Variants in G3BP1 observed in about 807,000 individuals in gnomAD.
G3BP1 encodes G3BP stress granule assembly factor 1.
A neutral mutation model predicts 58.6 loss-of-function variants in G3BP1; 35 were observed. The observed-to-expected ratio is 0.60, with a 90% CI of 0.46 to 0.79. The LOEUF (loss-of-function observed/expected upper bound fraction) is 0.79, where lower values mean the gene tolerates loss of function less well. Among genes scored for constraint, G3BP1 ranks in the 30% least tolerant of loss-of-function variants. G3BP1 has a pLI of 0.00. For synonymous variants in G3BP1, 191 were observed against 195.4 expected, an observed-to-expected ratio of 0.98 and a Z score of 0.19; for missense variants, 523 against 580.8, an observed-to-expected ratio of 0.90 and a Z score of 1.02.
At chr5:151,790,245 A>AG in intron 2 of G3BP1, 78 bp from the exon 3 acceptor site, 1 of 724,464 alleles carries the variant, frequency 1.4e-6, no homozygotes, top group South Asian at 1.8e-5. Context: ...AAAAAAAAAA[A>AG]AGTTTGCCAG....
At position 151,790,984 on chromosome 5, in the gene G3BP1, A is replaced by G. The variant is rs1182663404; in HGVS notation, c.273A>G (p.Val91=). 1.2e-6 allele frequency: 2 copies of G among 1,613,240 alleles called. No homozygotes were observed. The highest frequency in any genetic ancestry group is 1.1e-5 in the South Asian group (1 of 91,058). ...DAHATLNDGV[V]VQVMGLLSNN... ...ATGCCACGCTAAATGATGGTGTGGT[A>G]GTCCAGGTGATGGGGCTTCTCTCTA... Residue 91 remains valine, a synonymous_variant, in exon 4 of 12, where the codon GTA becomes GTG. Coordinates refer to ENST00000356245, the MANE Select transcript of G3BP1 (RefSeq NM_005754.3).
chr5:151,784,299 G>T (rs1462001327), intron 1 of G3BP1, among the ~76,000 whole-genome samples: 1 of 151,998 alleles, frequency 6.6e-6, no homozygotes, highest in Non-Finnish European at 1.5e-5. Flanking sequence ...ATAGGGTCTT[G>T]CTTTGTTGTT....
At chr5:151,782,789 A>G (rs1762489817) in intron 1 of G3BP1, among the ~76,000 whole-genome samples, 1 of 151,474 alleles carries the variant, frequency 6.6e-6, no homozygotes, top group Non-Finnish European at 1.5e-5. Context: ...CATAGATTTC[A>G]TAAAATATCT....
intron 1 of G3BP1, among the ~76,000 whole-genome samples, chr5:151,777,071 G>C (rs1471272117): frequency 3.3e-5 from 5 of 152,194 alleles, no homozygotes; most frequent in African/African-American, 1.2e-4. Flanking sequence ...GAAGAATTGT[G>C]AAGGGAGGTG....
At position 151,788,572 on chromosome 5, in the gene G3BP1, ATGTGTG is replaced by A. The variant is rs10634385; in HGVS notation, c.96-1715_96-1710del. 7.8e-3 allele frequency among the ~76,000 whole-genome samples: 1,040 copies of A among 133,322 alleles called. 19 individuals are homozygous for A. Among genetic ancestry groups the A allele is most frequent in the African/African-American group, 0.028 (947 of 33,700 alleles). 87.5% of individuals were successfully genotyped at this position (133,322 alleles called of 152,430 possible). A position where few individuals can be genotyped will look rare whatever the true frequency, so the allele number is the denominator to read the frequency against. ...CACTACCATGCCCAGCTAAGTTTATATGTGTGTGTGTGTGTGTGTGTGTGTGTGTGT... is the reference window on the plus strand; with the variant it reads ...CACTACCATGCCCAGCTAAGTTTATATGTGTGTGTGTGTGTGTGTGTGTGT... On this transcript the variant is annotated intron_variant, in intron 2 of 11. Transcript: ENST00000356245.
rs139424333 is a variant in G3BP1, at chr5:151,808,239, G to A, written c.*4148G>A. The A allele has an allele frequency of 1.8e-4, 27 of 152,282 alleles. No individual in the cohort carries two copies. The highest frequency in any genetic ancestry group is 2.9e-4 in the Non-Finnish European group (20 of 68,006). The allele number at this position is 152,282 out of a possible 1,614,324, so 9.4% of individuals were successfully genotyped here. A position where few individuals can be genotyped will look rare whatever the true frequency, so the allele number is the denominator to read the frequency against. ...GCCTGTCAACTCTTAACAGACTATA[G>A]TAAAGGAGAGATGGTGGCACATGTG... On this transcript the variant is annotated 3_prime_UTR_variant, in exon 12 of 12. Coordinates refer to ENST00000356245, the MANE Select transcript of G3BP1 (RefSeq NM_005754.3).
At chr5:151,800,078 A>T (rs1434012464) in intron 9 of G3BP1, 78 bp downstream of exon 9, 1 of 1,169,070 alleles carries the variant, frequency 8.6e-7, no homozygotes, top group Non-Finnish European at 1.2e-6. Flanking sequence ...GTTGATATTT[A>T]TATACTTTAA....
At position 151,810,379 on chromosome 5, in the gene G3BP1, A is replaced by T. The variant is rs1379540411; in HGVS notation, c.*6288A>T. ...AGAGCTATATTTTTTCCTAAGAAAA[A>T]ATTTCAACAGGAATGGGGAGTAGCC... On this transcript the variant is annotated 3_prime_UTR_variant, in exon 12 of 12. Transcript: ENST00000356245. The T allele has an allele frequency of 6.6e-6, 1 of 152,198 alleles. No individual in the cohort carries two copies. The highest frequency in any genetic ancestry group is 1.5e-5 in the Non-Finnish European group (1 of 68,036). 9.4% of individuals were successfully genotyped at this position (152,198 alleles called of 1,614,324 possible).
rs115825410 is a variant in G3BP1, at chr5:151,793,133, A to G, written c.352-1026A>G. Among the ~76,000 whole-genome samples, 1,431 of 150,422 alleles carry G rather than the reference A, an allele frequency of 9.5e-3. 20 individuals are homozygous for G. The highest frequency in any genetic ancestry group is 0.031 in the African/African-American group (1,284 of 41,006). The stretch of plus-strand genomic sequence containing the variant: ...TATGATTGCCTTTTTTTTTGAGACA[A>G]GGTCTTACTCTGTCGCCCAGGCTGG... On this transcript the variant is annotated intron_variant, in intron 4 of 11. Transcript: ENST00000356245.
intron 1 of G3BP1, among the ~76,000 whole-genome samples, chr5:151,781,158 T>G (rs1190081814): frequency 6.6e-6 from 1 of 152,204 alleles, no homozygotes; most frequent in Non-Finnish European, 1.5e-5. Flanking sequence ...TTTACTACTG[T>G]AAAATATACA....
At chr5:151,773,357 C>T (rs1218452247) in intron 1 of G3BP1, among the ~76,000 whole-genome samples, 1 of 152,136 alleles carries the variant, frequency 6.6e-6, no homozygotes, top group Non-Finnish European at 1.5e-5. Context: ...TGGAGCGTGT[C>T]ATGCTGGATG....
intron 2 of G3BP1, chr5:151,787,896 C>A: frequency 5.3e-6 from 1 of 190,472 alleles, no homozygotes; most frequent in Non-Finnish European, 1.1e-5. Context: ...GAATATATCT[C>A]GTGTGTGTGT....
intron 1 of G3BP1, among the ~76,000 whole-genome samples, chr5:151,782,581 C>A (rs1299404645): frequency 1.3e-5 from 2 of 152,104 alleles, no homozygotes; most frequent in African/African-American, 4.8e-5. Flanking sequence ...ATATTAGGAA[C>A]AGCCAAAGTC....
intron 1 of G3BP1, among the ~76,000 whole-genome samples, chr5:151,782,849 C>CTTTTT (rs796501774): frequency 8.1e-5 from 6 of 73,896 alleles, no homozygotes; most frequent in African/African-American, 1.1e-4. Flanking sequence ...TGTGACTCAT[C>CTTTTT]TTTTTTTTTT....
chr5:151,771,983 A>ATCCTCGGTG lies in G3BP1; in HGVS notation c.-103_-102insTCCTCGGTG, dbSNP rs1561528062. On this transcript the variant is annotated 5_prime_UTR_variant, in exon 1 of 12. Transcript: ENST00000356245. The stretch of plus-strand genomic sequence containing the variant: ...GGACGCAGTTGCGTGAGGGGTTTGT[A>ATCCTCGGTG]CTATCCTCGGTGCTGTGGTGCAGAG... 6.6e-6 allele frequency: 1 copy of ATCCTCGGTG among 152,336 alleles called. No homozygotes were observed. Among genetic ancestry groups the ATCCTCGGTG allele is most frequent in the African/African-American group, 2.4e-5 (1 of 41,416 alleles). 9.4% of individuals were successfully genotyped at this position (152,336 alleles called of 1,614,324 possible). A position where few individuals can be genotyped will look rare whatever the true frequency, so the allele number is the denominator to read the frequency against.
At chr5:151,796,398 A>G (rs894504205) in intron 6 of G3BP1, among the ~76,000 whole-genome samples, 3 of 152,154 alleles carry the variant, frequency 2.0e-5, no homozygotes, top group Admixed American at 2.0e-4. Context: ...CCTCCTGAGT[A>G]GCTGGGACTA....
Position 151,808,175 on chromosome 5 carries a change from A to C in G3BP1, c.*4084A>C, listed in dbSNP as rs1356700853. 6.6e-6 allele frequency: 1 copy of C among 152,226 alleles called. No homozygotes were observed. Among genetic ancestry groups the C allele is most frequent in the Non-Finnish European group, 1.5e-5 (1 of 68,042 alleles). 9.4% of individuals were successfully genotyped at this position (152,226 alleles called of 1,614,324 possible). A position where few individuals can be genotyped will look rare whatever the true frequency, so the allele number is the denominator to read the frequency against. On this transcript the variant is annotated 3_prime_UTR_variant, in exon 12 of 12. Transcript: ENST00000356245. The stretch of plus-strand genomic sequence containing the variant: ...AAGGTAGTAATGCCTTTTGGGATTT[A>C]TATTTGTTTAATGTTGAGATTCTGG...
intron 2 of G3BP1, 191 bp downstream of exon 2, chr5:151,786,906 G>T (rs534391159): frequency 2.3e-6 from 1 of 437,122 alleles, no homozygotes; most frequent in Non-Finnish European, 4.1e-6. Context: ...GCAGTGGTGC[G>T]ATCTGGACTG....
chr5:151,803,390 G>T (rs893576114), intron 11 of G3BP1, among the ~76,000 whole-genome samples: 1 of 151,952 alleles, frequency 6.6e-6, no homozygotes, highest in Admixed American at 6.6e-5. Flanking sequence ...TCCGCCACCC[G>T]GGTTCAAGTT....
Sources: gnomAD v4.1 joint callset for allele counts (sites outside exome capture counted in the v4.1 genomes callset) on GRCh38, gnomAD v4.1.1 for gene constraint, MANE v1.5 for transcripts, NCBI Gene and HGNC (gene_info 2026-07-23, HGNC 2026-07-21) for gene names.